The following IL1RAPL1 variants were observed in gnomAD, a reference collection of about 807,000 sequenced individuals.
IL1RAPL1 encodes the protein interleukin-1 receptor accessory protein-like 1.
IL1RAPL1 carries 3 observed loss-of-function variants against 48.4 expected under a neutral mutation model. The observed-to-expected ratio is 0.06, with a 90% CI of 0.03 to 0.16. IL1RAPL1 has a LOEUF of 0.16. IL1RAPL1 is among the 10% of genes least tolerant of loss of function. The pLI, the probability that IL1RAPL1 is intolerant of heterozygous loss-of-function variation, is 1.00. For synonymous variants in IL1RAPL1, 185 were observed against 187.7 expected (o/e 0.99, Z 0.12); for missense variants, 349 against 530.6 (o/e 0.66, Z 3.36).
At chrX:29,152,747 T>G (rs775984567) in intron 2 of IL1RAPL1, among the ~76,000 whole-genome samples, 4 of 112,280 alleles carry the variant, frequency 3.6e-5, no homozygotes, top group African/African-American at 6.5e-5. Flanking sequence ...TGAAATTATG[T>G]CAATGTAGAT....
intron 2 of IL1RAPL1, among the ~76,000 whole-genome samples, chrX:29,206,034 C>T (rs575100577): frequency 7.2e-5 from 8 of 111,210 alleles, no homozygotes; most frequent in Admixed American, 1.9e-4. Flanking sequence ...TGAGCCACTG[C>T]GCCTGGCCGA....
At chrX:29,253,668 G>A (rs1931705454) in intron 2 of IL1RAPL1, among the ~76,000 whole-genome samples, 1 of 111,054 alleles carries the variant, frequency 9.0e-6, no homozygotes, top group South Asian at 3.8e-4. Flanking sequence ...CAAAGGCTTT[G>A]TGATATGAAG....
chrX:29,749,810 A>G (rs1416032056), intron 6 of IL1RAPL1, among the ~76,000 whole-genome samples: 2 of 112,428 alleles, frequency 1.8e-5, no homozygotes, highest in African/African-American at 6.5e-5. Flanking sequence ...ACAGTGTTCC[A>G]GTCTCTTGGA....
At chrX:29,297,066 C>T (rs1246186471) in intron 3 of IL1RAPL1, among the ~76,000 whole-genome samples, 2 of 111,710 alleles carry the variant, frequency 1.8e-5, no homozygotes, top group South Asian at 3.7e-4. Context: ...AATTTTTTCT[C>T]ATGAAGGTCC....
chrX:29,909,345 T>A (rs1321276155), intron 6 of IL1RAPL1, among the ~76,000 whole-genome samples: 1 of 111,355 alleles, frequency 9.0e-6, no homozygotes, highest in African/African-American at 3.3e-5. Flanking sequence ...GTGAGAGGAT[T>A]GCTTGAGCTC....
intron 5 of IL1RAPL1, among the ~76,000 whole-genome samples, chrX:29,509,272 G>A (rs1197798840): frequency 2.7e-5 from 3 of 111,804 alleles, no homozygotes; most frequent in Non-Finnish European, 5.6e-5. Context: ...CTGCTCTTAA[G>A]CCCTTTTACT....
intron 1 of IL1RAPL1, among the ~76,000 whole-genome samples, chrX:28,690,824 A>T (rs1010014007): frequency 9.0e-6 from 1 of 110,935 alleles, no homozygotes; most frequent in Non-Finnish European, 1.9e-5. Flanking sequence ...CATAACCATA[A>T]CCATACCAAT....
intron 6 of IL1RAPL1, among the ~76,000 whole-genome samples, chrX:29,882,926 G>A (rs1932061125): frequency 9.0e-6 from 1 of 111,638 alleles, no homozygotes. Context: ...AAATTCTGCA[G>A]TAGCATCTGG....
chrX:29,666,263 A>T (rs751791595), intron 5 of IL1RAPL1, among the ~76,000 whole-genome samples: 243 of 111,127 alleles, frequency 2.2e-3, no homozygotes, highest in African/African-American at 7.5e-3. Context: ...GTTGAATTGA[A>T]TTGGATTTGT....
At chrX:29,364,395 C>G (rs1219100668) in intron 3 of IL1RAPL1, among the ~76,000 whole-genome samples, 3 of 108,123 alleles carry the variant, frequency 2.8e-5, no homozygotes, top group Non-Finnish European at 5.7e-5. Context: ...CCCATCTCTA[C>G]TAAAAATACA....
intron 2 of IL1RAPL1, among the ~76,000 whole-genome samples, chrX:29,245,584 G>A (rs148537367): frequency 0.015 from 1,669 of 111,951 alleles, 27 homozygotes; most frequent in African/African-American, 0.047. Context: ...CTTTTGAGAA[G>A]TATCTGTTCA....
chrX:28,661,715 G>A (rs1569147458), intron 1 of IL1RAPL1, among the ~76,000 whole-genome samples: 2 of 111,591 alleles, frequency 1.8e-5, no homozygotes, highest in African/African-American at 6.5e-5. Context: ...AAGTTGATAA[G>A]AAAAACCAAT....
chrX:29,754,770 A>G (rs1052081562), intron 6 of IL1RAPL1, among the ~76,000 whole-genome samples: 2 of 113,085 alleles, frequency 1.8e-5, no homozygotes, highest in African/African-American at 3.2e-5. Flanking sequence ...TATGTTTTAC[A>G]CAATTCTCAC....
At chrX:29,391,168 C>T (rs1163909108) in intron 3 of IL1RAPL1, among the ~76,000 whole-genome samples, 1 of 105,512 alleles carries the variant, frequency 9.5e-6, no homozygotes, top group Non-Finnish European at 1.9e-5. Context: ...GAGCGAAATT[C>T]CATCTCAAAA....
chrX:28,731,507 C>A (rs1383607284), intron 1 of IL1RAPL1, among the ~76,000 whole-genome samples: 1 of 112,117 alleles, frequency 8.9e-6, no homozygotes, highest in Non-Finnish European at 1.9e-5. Flanking sequence ...TGAAGAACTT[C>A]TAATACTTTG....
intron 6 of IL1RAPL1, among the ~76,000 whole-genome samples, chrX:29,762,670 A>G (rs1213255307): frequency 8.9e-6 from 1 of 112,121 alleles, no homozygotes; most frequent in African/African-American, 3.2e-5. Context: ...AAACAAAGCA[A>G]TAATTTTGTC....
intron 2 of IL1RAPL1, among the ~76,000 whole-genome samples, chrX:29,205,828 G>T (rs182004804): frequency 1.8e-5 from 2 of 109,440 alleles, no homozygotes; most frequent in African/African-American, 6.7e-5. Context: ...TCTGCCACCC[G>T]GGTTCAAGCG....
chrX:28,819,972 ATATAT>A (rs1416729783), intron 2 of IL1RAPL1, among the ~76,000 whole-genome samples: 2 of 20,739 alleles, frequency 9.6e-5, no homozygotes, highest in African/African-American at 1.1e-3. Context: ...ATAGTGATAT[ATATAT>A]ATATATATAT....
intron 3 of IL1RAPL1, among the ~76,000 whole-genome samples, chrX:29,305,819 G>C (rs2147614565): frequency 8.9e-6 from 1 of 112,109 alleles, no homozygotes; most frequent in East Asian, 2.8e-4. Flanking sequence ...AAAGGGTACA[G>C]TGAAACAATT....
Sources: gnomAD v4.1 joint callset for allele counts (sites outside exome capture counted in the v4.1 genomes callset) on GRCh38, gnomAD v4.1.1 for gene constraint, MANE v1.5 for transcripts, NCBI Gene and HGNC (gene_info 2026-07-23, HGNC 2026-07-21) for gene names.